Variants in NBEA observed in about 807,000 individuals in gnomAD.
NBEA encodes the protein lysosomal-trafficking regulator 2.
A neutral mutation model predicts 343.4 loss-of-function variants in NBEA; 44 were observed. That is an observed-to-expected ratio of 0.13 (90% confidence interval 0.10 to 0.16). The LOEUF is 0.16. NBEA is among the 10% of genes least tolerant of loss of function. The pLI, the probability that NBEA is intolerant of heterozygous loss-of-function variation, is 1.00. For missense variants in NBEA, 2,555 were observed against 3,631.3 expected, an observed-to-expected ratio of 0.70 and a Z score of 7.62; for synonymous variants, 1,175 against 1,238.7, an observed-to-expected ratio of 0.95 and a Z score of 1.08.
intron 17 of NBEA, among the ~76,000 whole-genome samples, chr13:35,124,253 GTTTTT>G (rs550215199): frequency 8.9e-6 from 1 of 112,994 alleles, no homozygotes; most frequent in African/African-American, 3.0e-5. Flanking sequence ...TTTCGCCCTT[GTTTTT>G]TTTTTTTTTT....
At chr13:35,437,690 A>G (rs751779777) in intron 39 of NBEA, among the ~76,000 whole-genome samples, 2 of 152,170 alleles carry the variant, frequency 1.3e-5, no homozygotes, top group East Asian at 1.9e-4. Context: ...ATTGATTACC[A>G]TGAATTTTAT....
At chr13:35,366,840 C>A (rs936604396) in intron 38 of NBEA, among the ~76,000 whole-genome samples, 1 of 151,226 alleles carries the variant, frequency 6.6e-6, no homozygotes, top group Non-Finnish European at 1.5e-5. Flanking sequence ...TGTCCACACA[C>A]AATAGGAAAA....
intron 18 of NBEA, among the ~76,000 whole-genome samples, chr13:35,146,152 T>C (rs1370410970): frequency 6.6e-6 from 1 of 152,144 alleles, no homozygotes; most frequent in East Asian, 1.9e-4. Context: ...GCATTGCCAA[T>C]ACTTGAAAGA....
chr13:35,171,897 A>G (rs1319357008), intron 26 of NBEA, among the ~76,000 whole-genome samples: 2 of 152,064 alleles, frequency 1.3e-5, no homozygotes, highest in African/African-American at 2.4e-5. Flanking sequence ...GGGGTGAACA[A>G]ATGTCCCTAA....
At chr13:35,555,131 A>C (rs1317044418) in intron 44 of NBEA, 29 bp downstream of exon 44, 1 of 1,265,906 alleles carries the variant, frequency 7.9e-7, no homozygotes, top group Non-Finnish European at 1.1e-6. Context: ...TAATCTAATA[A>C]TATGTTTATG....
Position 35,638,485 on chromosome 13 carries a change from A to T in NBEA, c.7618-7384A>T, listed in dbSNP as rs2083797509. On this transcript the variant is annotated intron_variant, in intron 49 of 58. Coordinates refer to ENST00000379939, the MANE Select transcript of NBEA (RefSeq NM_001385012.1). ...ACTGCCAAAACGGGACTTGGCAGAGAGGGGCCATATAATCCTGTCTCTGCT... is the reference window on the plus strand; with the variant it reads ...ACTGCCAAAACGGGACTTGGCAGAGTGGGGCCATATAATCCTGTCTCTGCT... Among the ~76,000 whole-genome samples, 6 of 152,138 alleles carry T rather than the reference A, an allele frequency of 3.9e-5. No individual in the cohort carries two copies. In the South Asian group the frequency reaches 1.2e-3, roughly 32 times the overall value.
intron 41 of NBEA, chr13:35,476,489 A>C (rs1175321266): frequency 2.8e-6 from 2 of 723,458 alleles, no homozygotes; most frequent in African/African-American, 3.5e-5. Context: ...CTTCTCAGGA[A>C]TAAAAAACAA....
rs75267092 is a variant in NBEA at position 35,666,453 on chromosome 13, G to A, written c.8465-921G>A. ...GGAAAATAAGTGACACATAGTAGGC[G>A]CCAAGAAAGAGACATTTCCTGCAGG... On this transcript the variant is annotated intron_variant, in intron 56 of 58. Transcript: ENST00000379939. Among the ~76,000 whole-genome samples, 21 of 150,784 alleles carry A rather than the reference G, an allele frequency of 1.4e-4. No individual in the cohort carries two copies. In the East Asian group the frequency reaches 3.3e-3, roughly 24 times the overall value.
chr13:35,109,216 C>T, intron 11 of NBEA, 74 bp from the exon 12 acceptor site: 2 of 1,345,708 alleles, frequency 1.5e-6, no homozygotes, highest in Non-Finnish European at 2.0e-6. Flanking sequence ...TTCATGTGTC[C>T]TTATGCTAAA....
intron 54 of NBEA, 79 bp from the exon 55 acceptor site, chr13:35,655,500 A>T: frequency 7.2e-7 from 1 of 1,393,146 alleles, no homozygotes; most frequent in African/African-American, 1.5e-5. Flanking sequence ...AAATTTTTTA[A>T]AAAATCTGAT....
At chr13:35,574,406 A>AAAAT (rs1555306423) in intron 45 of NBEA, among the ~76,000 whole-genome samples, 1 of 105,058 alleles carries the variant, frequency 9.5e-6, no homozygotes, top group Non-Finnish European at 1.9e-5. Context: ...CAAAAGAAAA[A>AAAAT]AAACAAGGAA....
chr13:35,583,792 G>A, intron 45 of NBEA, 106 bp from the exon 46 acceptor site: 1 of 798,452 alleles, frequency 1.3e-6, no homozygotes, highest in Middle Eastern at 2.8e-4. Context: ...TATTTATGCT[G>A]TATGGCTAAA....
chr13:35,522,107 T>C (rs1214654010), intron 41 of NBEA, among the ~76,000 whole-genome samples: 1 of 151,994 alleles, frequency 6.6e-6, no homozygotes, highest in Non-Finnish European at 1.5e-5. Context: ...AGCAGTGGTA[T>C]GAGGGGAACC....
intron 45 of NBEA, among the ~76,000 whole-genome samples, chr13:35,577,338 A>G (rs2080790858): frequency 6.6e-6 from 1 of 152,182 alleles, no homozygotes; most frequent in African/African-American, 2.4e-5. Flanking sequence ...TGGGGAAGGA[A>G]TGGTTCACAA....
At chr13:35,253,984 A>G (rs1015723438) in intron 34 of NBEA, among the ~76,000 whole-genome samples, 1 of 152,206 alleles carries the variant, frequency 6.6e-6, no homozygotes, top group African/African-American at 2.4e-5. Context: ...AGTCAGGGAC[A>G]TTTTGTTGGA....
intron 34 of NBEA, among the ~76,000 whole-genome samples, chr13:35,252,628 G>C (rs2032114838): frequency 1.3e-5 from 2 of 152,200 alleles, no homozygotes; most frequent in African/African-American, 4.8e-5. Flanking sequence ...GAGGATGATG[G>C]ATATGTAGCT....
At chr13:35,620,304 G>A (rs773398884) in intron 48 of NBEA, among the ~76,000 whole-genome samples, 5 of 152,144 alleles carry the variant, frequency 3.3e-5, no homozygotes, top group Non-Finnish European at 7.3e-5. Context: ...CTGCAGGGGA[G>A]AGAGGTCAGG....
intron 2 of NBEA, 51 bp from the exon 3 acceptor site, chr13:35,044,896 C>A: frequency 7.1e-7 from 1 of 1,410,948 alleles, no homozygotes; most frequent in Non-Finnish European, 9.8e-7. Flanking sequence ...ATTACCTTGA[C>A]AGATGGCAGC....
At chr13:35,015,089 C>T (rs1343401695) in intron 1 of NBEA, among the ~76,000 whole-genome samples, 1 of 143,462 alleles carries the variant, frequency 7.0e-6, no homozygotes, top group Non-Finnish European at 1.5e-5. Context: ...GTGCTCTTGC[C>T]TTGCCGCCTC....
Sources: allele counts gnomAD v4.1 joint callset (sites outside exome capture counted in the v4.1 genomes callset), GRCh38; gene constraint gnomAD v4.1.1; transcripts MANE v1.5; gene names NCBI Gene and HGNC (gene_info 2026-07-23, HGNC 2026-07-21).